Variants in OIT3 observed in about 807,000 individuals in gnomAD.
OIT3 encodes the protein oncoprotein induced transcript 3.
In OIT3, 41 loss-of-function variants were observed where a neutral mutation model predicts 52.2. The observed-to-expected ratio is 0.79, with a 90% CI of 0.61 to 1.02. OIT3 has a LOEUF of 1.02. OIT3 is among the 50% of genes least tolerant of loss of function. The probability of loss-of-function intolerance (pLI) is 0.00; values close to 1 mark genes in which losing one functional copy is unlikely to be tolerated. For missense variants in OIT3, 634 were observed against 715.5 expected, an observed-to-expected ratio of 0.89 and a Z score of 1.30; for synonymous variants, 244 against 276.9, an observed-to-expected ratio of 0.88 and a Z score of 1.18.
Position 72,906,656 on chromosome 10 carries a change from A to G in OIT3, c.605A>G (p.Asn202Ser). The part of the protein sequence containing the change: ...GCSEICVNLK[N>S]SYRCECGVGR... The stretch of plus-strand genomic sequence containing the variant: ...AGTGAGATCTGTGTGAACCTCAAAA[A>G]CTCCTACCGCTGTGAGTGTGGGGTT... The change falls in exon 4 of 9, where the codon AAC becomes AGC. Residue 202 changes from asparagine (N) to serine (S), a missense_variant. Physicochemically the swap from Asn to Ser is conservative, Grantham distance 46. Coordinates refer to ENST00000334011, the MANE Select transcript of OIT3 (RefSeq NM_152635.3). 1.2e-6 allele frequency: 2 copies of G among 1,612,264 alleles called. No homozygotes were observed. The highest frequency in any genetic ancestry group is 8.5e-7 in the Non-Finnish European group (1 of 1,179,156).
At chr10:72,904,115 C>CCGGTT (rs1845957870) in intron 3 of OIT3, among the ~76,000 whole-genome samples, 1 of 152,088 alleles carries the variant, frequency 6.6e-6, no homozygotes, top group Non-Finnish European at 1.5e-5. Flanking sequence ...AAATCCCTGT[C>CCGGTT]CTGTTCTGTT....
At chr10:72,903,519 T>C (rs536986345) in intron 3 of OIT3, among the ~76,000 whole-genome samples, 1 of 152,320 alleles carries the variant, frequency 6.6e-6, no homozygotes, top group South Asian at 2.1e-4. Context: ...TGAGCCACCA[T>C]GCCCAGCCCC....
In OIT3 at chr10:72,911,753, G is replaced by A; in HGVS notation, c.704G>A (p.Ser235Asn). ...TGCCACAATAACAATGGTGGCTGCAGCCACTCTTGCCTTGGATCTGAGAAA... is the reference window on the plus strand; with the variant it reads ...TGCCACAATAACAATGGTGGCTGCAACCACTCTTGCCTTGGATCTGAGAAA... ...EGCHNNNGGC[S>N]HSCLGSEKGY... Residue 235 changes from serine (S) to asparagine (N), a missense_variant, in exon 5 of 9, where the codon AGC becomes AAC. By Grantham distance (46) the Ser-to-Asn change is conservative. Coordinates refer to ENST00000334011, the MANE Select transcript of OIT3 (RefSeq NM_152635.3). 6.2e-7 allele frequency: 1 copy of A among 1,613,860 alleles called. No individual in the cohort carries two copies.
intron 6 of OIT3, among the ~76,000 whole-genome samples, chr10:72,919,201 T>G (rs896284290): frequency 1.3e-5 from 2 of 152,188 alleles, no homozygotes; most frequent in Admixed American, 1.3e-4. Context: ...TATTTTATTC[T>G]TTTCGTGGCA....
At chr10:72,906,202 T>C (rs1845977409) in intron 3 of OIT3, among the ~76,000 whole-genome samples, 1 of 152,266 alleles carries the variant, frequency 6.6e-6, no homozygotes, top group African/African-American at 2.4e-5. Flanking sequence ...CCTTCTGTAA[T>C]GGAAGCTCCT....
At chr10:72,910,394 G>A (rs1284666821) in intron 4 of OIT3, among the ~76,000 whole-genome samples, 8 of 151,982 alleles carry the variant, frequency 5.3e-5, no homozygotes, top group African/African-American at 1.9e-4. Context: ...GGTGGCTCAC[G>A]CCTGTAATCC....
chr10:72,918,355 C>G (rs1846091864), intron 6 of OIT3: 1 of 768,554 alleles, frequency 1.3e-6, no homozygotes, highest in East Asian at 2.4e-5. Flanking sequence ...GCCTCTGCTT[C>G]AACAATGTGC....
intron 1 of OIT3, among the ~76,000 whole-genome samples, chr10:72,894,427 G>A (rs1050861776): frequency 6.6e-6 from 1 of 152,198 alleles, no homozygotes; most frequent in Non-Finnish European, 1.5e-5. Flanking sequence ...TTTCTCTCTT[G>A]CATCTTTTTC....
intron 3 of OIT3, among the ~76,000 whole-genome samples, chr10:72,901,465 T>C (rs746942144): frequency 6.6e-6 from 1 of 152,242 alleles, no homozygotes; most frequent in Admixed American, 6.5e-5. Context: ...TGAAGCTTTT[T>C]GGATTCAGAC....
intron 3 of OIT3, 89 bp from the exon 4 acceptor site, chr10:72,906,507 T>A (rs2132931486): frequency 6.9e-7 from 1 of 1,453,362 alleles, no homozygotes; most frequent in Non-Finnish European, 9.6e-7. Flanking sequence ...ATCAACAGGA[T>A]CTGAAAAGAT....
intron 7 of OIT3, among the ~76,000 whole-genome samples, chr10:72,925,640 T>G (rs1029090605): frequency 6.6e-6 from 1 of 152,174 alleles, no homozygotes; most frequent in Non-Finnish European, 1.5e-5. Context: ...CAGTGCAGGG[T>G]CTTGCTCTGT....
At chr10:72,929,404 A>G (rs1188291137) in intron 7 of OIT3, among the ~76,000 whole-genome samples, 1 of 151,974 alleles carries the variant, frequency 6.6e-6, no homozygotes, top group Non-Finnish European at 1.5e-5. Flanking sequence ...GGGAAAAATA[A>G]TATGAGGGTG....
chr10:72,896,760 C>A (rs2132920954), intron 1 of OIT3, among the ~76,000 whole-genome samples: 1 of 152,234 alleles, frequency 6.6e-6, no homozygotes, highest in Admixed American at 6.5e-5. Context: ...AATTCCCTGC[C>A]CACAAAATGT....
At chr10:72,924,795 C>A in intron 7 of OIT3, 151 bp downstream of exon 7, 1 of 735,234 alleles carries the variant, frequency 1.4e-6, no homozygotes, top group East Asian at 2.7e-5. Flanking sequence ...GGAGGTAAAA[C>A]TAGTGAGGGA....
rs1164045968 is a variant in OIT3 at position 72,906,626 on chromosome 10, G to C, written c.575G>C (p.Gly192Ala). 6.2e-7 allele frequency: 1 copy of C among 1,613,782 alleles called. No individual in the cohort carries two copies. Among genetic ancestry groups the C allele is most frequent in the Admixed American group, 1.7e-5 (1 of 59,984 alleles). The change falls in exon 4 of 9, where the codon GGC becomes GCC. Residue 192 changes from glycine (G) to alanine (A), a missense_variant. By Grantham distance (60) the Gly-to-Ala change is moderately conservative (BLOSUM62 0). Transcript: ENST00000334011. ...AATGAATGTGAGCAAAACAACGGTGGCTGCAGTGAGATCTGTGTGAACCTC... is the reference window on the plus strand; with the variant it reads ...AATGAATGTGAGCAAAACAACGGTGCCTGCAGTGAGATCTGTGTGAACCTC... ...DENECEQNNG[G>A]CSEICVNLKN... is the part of the protein sequence containing the mutation.
intron 6 of OIT3, among the ~76,000 whole-genome samples, chr10:72,917,391 G>A (rs992711886): frequency 9.2e-5 from 14 of 151,766 alleles, no homozygotes; most frequent in African/African-American, 1.2e-4. Flanking sequence ...CCCAACCACC[G>A]CTACTACGAT....
intron 6 of OIT3, among the ~76,000 whole-genome samples, chr10:72,914,271 G>A (rs954182120): frequency 6.6e-6 from 1 of 152,164 alleles, no homozygotes; most frequent in Admixed American, 6.5e-5. Flanking sequence ...CCTGCCTTGT[G>A]TGCTAGGGTG....
chr10:72,908,709 T>A (rs943959534), intron 4 of OIT3, among the ~76,000 whole-genome samples: 63 of 152,160 alleles, frequency 4.1e-4, no homozygotes, highest in African/African-American at 1.4e-3. Context: ...TTATGAGTAC[T>A]TTATTGGAAA....
intron 6 of OIT3, among the ~76,000 whole-genome samples, chr10:72,914,102 T>G (rs1475209771): frequency 2.0e-5 from 3 of 152,034 alleles, no homozygotes; most frequent in South Asian, 2.1e-4. Flanking sequence ...TGTGTGTGGT[T>G]TACACAGCAG....
Sources: allele counts gnomAD v4.1 joint callset (sites outside exome capture counted in the v4.1 genomes callset), GRCh38; gene constraint gnomAD v4.1.1; transcripts MANE v1.5; gene names NCBI Gene and HGNC (gene_info 2026-07-23, HGNC 2026-07-21).